TNIP3: variants seen among roughly 807,000 people sequenced by gnomAD.
The protein encoded by TNIP3 is TNFAIP3 interacting protein 3.
TNIP3 carries 34 observed loss-of-function variants against 54.1 expected under a neutral mutation model. The observed-to-expected ratio is 0.63, with a 90% CI of 0.48 to 0.84. The LOEUF is 0.84. Ranked by LOEUF, TNIP3 falls within the 40% of genes least tolerant of loss-of-function variation. The pLI is 0.00. For missense variants in TNIP3, 366 were observed against 387.6 expected, an observed-to-expected ratio of 0.94 and a Z score of 0.47; for synonymous variants, 134 against 136.8, an observed-to-expected ratio of 0.98 and a Z score of 0.14.
upstream of TNIP3, among the ~76,000 whole-genome samples, chr4:121,166,213 C>T (rs1016313234): frequency 2.0e-5 from 3 of 152,130 alleles, no homozygotes; most frequent in Admixed American, 6.6e-5. Flanking sequence ...CTTTACAATT[C>T]CTTTGCCTCT....
At chr4:121,165,220 G>C (rs1730690228), upstream of TNIP3, among the ~76,000 whole-genome samples, 2 of 151,074 alleles carry the variant, frequency 1.3e-5, no homozygotes, top group Non-Finnish European at 2.9e-5. Context: ...GTGATTGAGT[G>C]TCCCACATTT....
chr4:121,152,761 T>C (rs1729837310), intron 5 of TNIP3, among the ~76,000 whole-genome samples: 1 of 152,190 alleles, frequency 6.6e-6, no homozygotes, highest in African/African-American at 2.4e-5. Context: ...ACATAATATA[T>C]GAAAATGTGT....
At chr4:121,206,178 G>A (rs1042610424) in intron 2 of TNIP3, among the ~76,000 whole-genome samples, 1 of 152,044 alleles carries the variant, frequency 6.6e-6, no homozygotes, top group African/African-American at 2.4e-5. Flanking sequence ...ATCAGACAGG[G>A]AAGACCAAAA....
At chr4:121,132,939 T>C (rs1470843019) in intron 10 of TNIP3, among the ~76,000 whole-genome samples, 1 of 152,176 alleles carries the variant, frequency 6.6e-6, no homozygotes, top group Non-Finnish European at 1.5e-5. Context: ...TTCTCACTCT[T>C]GCTGGCATTT....
At chr4:121,136,119 C>T (rs1728767385) in intron 10 of TNIP3, among the ~76,000 whole-genome samples, 1 of 152,210 alleles carries the variant, frequency 6.6e-6, no homozygotes, top group African/African-American at 2.4e-5. Flanking sequence ...TCCACCAGGG[C>T]TGTCCATGCA....
In TNIP3 at chr4:121,188,724, AT is replaced by A. The variant is rs1405898013; in HGVS notation, c.69-5929del. Reference sequence around the variant, plus strand: ...TCCTGTTCTAACACTTCTCCATTAAATTGTTTATGAATACCCAGCTCCTCAA... The same window carrying A: ...TCCTGTTCTAACACTTCTCCATTAAATGTTTATGAATACCCAGCTCCTCAA... On this transcript the variant is annotated intron_variant, in intron 2 of 12. Coordinates refer to the TNIP3 transcript ENST00000507879. Among the ~76,000 whole-genome samples, 8 of 152,326 alleles carry A rather than the reference AT, an allele frequency of 5.3e-5. No homozygotes were observed. The East Asian group carries it at 1.5e-3, about 29-fold the overall frequency.
intron 3 of TNIP3, among the ~76,000 whole-genome samples, chr4:121,180,056 G>A (rs1169633769): frequency 6.6e-6 from 1 of 151,392 alleles, no homozygotes; most frequent in Non-Finnish European, 1.5e-5. Context: ...GAGAAGGAGA[G>A]ACCAGAGAAA....
At chr4:121,206,743 A>G (rs1337445227) in intron 2 of TNIP3, among the ~76,000 whole-genome samples, 1 of 151,698 alleles carries the variant, frequency 6.6e-6, no homozygotes, top group African/African-American at 2.4e-5. Context: ...TTCTTTTTTT[A>G]TCTTTTAATA....
intron 6 of TNIP3, among the ~76,000 whole-genome samples, chr4:121,149,210 C>G (rs575279925): frequency 6.6e-6 from 1 of 152,316 alleles, no homozygotes; most frequent in East Asian, 1.9e-4. Flanking sequence ...CATCCTTACT[C>G]TTGCTGTCCA....
chr4:121,138,514 T>G (rs1196637833), intron 10 of TNIP3, 110 bp downstream of exon 10: 1 of 1,051,702 alleles, frequency 9.5e-7, no homozygotes, highest in Non-Finnish European at 1.4e-6. Flanking sequence ...TAACACAACT[T>G]TATAGTAAGT....
At chr4:121,152,536 A>G (rs187894645) in intron 5 of TNIP3, among the ~76,000 whole-genome samples, 262 of 152,266 alleles carry the variant, frequency 1.7e-3, no homozygotes, top group African/African-American at 5.6e-3. Context: ...TCTACCAAAC[A>G]TATTATATAC....
intron 2 of TNIP3, chr4:121,216,329 A>G: frequency 8.5e-7 from 1 of 1,170,048 alleles, no homozygotes; most frequent in South Asian, 1.4e-5. Context: ...TCTACTCTTA[A>G]TACACTATCA....
chr4:121,169,242 C>T (rs866398139), upstream of TNIP3, among the ~76,000 whole-genome samples: 3 of 152,144 alleles, frequency 2.0e-5, no homozygotes, highest in South Asian at 2.1e-4. Flanking sequence ...GTCCATTCTG[C>T]GCCATGCCCT....
In TNIP3 at chr4:121,206,538, T is replaced by TTGTGTGTGTGTGTGTGTGTG. The variant is rs140121953; in HGVS notation, c.68+9876_68+9877insCACACACACACACACACACA. ...TGTTGAGATGTTACATTTGTATATA[T>TTGTGTGTGTGTGTGTGTGTG]TGTGTGTGTGTTTTATCTTTTCTTT... On this transcript the variant is annotated intron_variant, in intron 2 of 12. Coordinates refer to the TNIP3 transcript ENST00000507879. 6.1e-4 allele frequency among the ~76,000 whole-genome samples: 93 copies of TTGTGTGTGTGTGTGTGTGTG among 151,590 alleles called. 1 individual carries two copies. Among genetic ancestry groups the TTGTGTGTGTGTGTGTGTGTG allele is most frequent in the Middle Eastern group, 3.4e-3 (1 of 294 alleles).
intron 2 of TNIP3, among the ~76,000 whole-genome samples, chr4:121,187,743 A>G (rs1202427677): frequency 6.6e-6 from 1 of 152,220 alleles, no homozygotes; most frequent in Admixed American, 6.5e-5. Context: ...TTTTTGACCA[A>G]AGTCCATGGA....
upstream of TNIP3, among the ~76,000 whole-genome samples, chr4:121,220,986 G>C (rs376261908): frequency 6.6e-6 from 1 of 151,974 alleles, no homozygotes; most frequent in Non-Finnish European, 1.5e-5. Context: ...CCTCCCCAAA[G>C]GTATTAAAAT....
chr4:121,153,696 A>C (rs753429611), intron 5 of TNIP3, among the ~76,000 whole-genome samples: 1 of 152,190 alleles, frequency 6.6e-6, no homozygotes. Flanking sequence ...TAATACTTTG[A>C]GGATCTTTAA....
At chr4:121,144,830 G>C (rs1729338261) in intron 7 of TNIP3, among the ~76,000 whole-genome samples, 1 of 152,168 alleles carries the variant, frequency 6.6e-6, no homozygotes, top group East Asian at 1.9e-4. Flanking sequence ...AGAGATTTTA[G>C]AGTAATAAGA....
At chr4:121,185,767 A>G (rs1387227661) in intron 2 of TNIP3, among the ~76,000 whole-genome samples, 4 of 152,262 alleles carry the variant, frequency 2.6e-5, no homozygotes, top group African/African-American at 9.6e-5. Flanking sequence ...TTCAGAATGG[A>G]CACTCAAGCT....
Sources: gnomAD v4.1 joint callset for allele counts (sites outside exome capture counted in the v4.1 genomes callset) on GRCh38, gnomAD v4.1.1 for gene constraint, MANE v1.5 for transcripts, NCBI Gene and HGNC (gene_info 2026-07-23, HGNC 2026-07-21) for gene names.